The following DYNC1I1 variants were observed in gnomAD, a reference collection of about 807,000 sequenced individuals.
DYNC1I1 encodes cytoplasmic dynein 1 intermediate chain 1.
Under a neutral mutation model 86.6 loss-of-function variants are expected in DYNC1I1, and 43 were observed. That is an observed-to-expected ratio of 0.50 (90% CI 0.39 to 0.64). The LOEUF (loss-of-function observed/expected upper bound fraction) is 0.64. Ranked by LOEUF, DYNC1I1 falls within the 30% of genes least tolerant of loss-of-function variation. The pLI is 0.00. For missense variants in DYNC1I1, 604 were observed against 788.8 expected, an observed-to-expected ratio of 0.77 and a Z score of 2.81; for synonymous variants, 262 against 283.7, an observed-to-expected ratio of 0.92 and a Z score of 0.77.
intron 1 of DYNC1I1, among the ~76,000 whole-genome samples, chr7:95,783,502 A>T (rs1794050377): frequency 6.6e-6 from 1 of 152,222 alleles, no homozygotes; most frequent in African/African-American, 2.4e-5. Context: ...ATGTGGTTAT[A>T]TGTTATCAGA....
chr7:95,884,236 G>T (rs1018368065), intron 6 of DYNC1I1, among the ~76,000 whole-genome samples: 1 of 152,176 alleles, frequency 6.6e-6, no homozygotes, highest in Non-Finnish European at 1.5e-5. Flanking sequence ...AGAAGAAGTG[G>T]TTCAGCAGAA....
intron 6 of DYNC1I1, among the ~76,000 whole-genome samples, chr7:95,951,283 G>T (rs1398232982): frequency 6.6e-6 from 1 of 151,992 alleles, no homozygotes; most frequent in Non-Finnish European, 1.5e-5. Context: ...TATAGCTTTG[G>T]CCTTCCTCAT....
In DYNC1I1 at chr7:95,860,645, C is replaced by T. The variant is rs144031070; in HGVS notation, c.375-9238C>T. Among the ~76,000 whole-genome samples, 384 of 152,254 alleles carry T rather than the reference C, an allele frequency of 2.5e-3. 2 individuals carry two copies. Among genetic ancestry groups the T allele is most frequent in the African/African-American group, 8.8e-3 (366 of 41,538 alleles). On this transcript the variant is annotated intron_variant, in intron 5 of 16. Transcript: ENST00000447467. ...CATTTGTGCTGTTATAACTAAATAT[C>T]ACAGGCTGGGTAATTTATAAATAAT...
intron 6 of DYNC1I1, among the ~76,000 whole-genome samples, chr7:95,973,287 A>G (rs780666478): frequency 7.9e-5 from 12 of 152,230 alleles, no homozygotes; most frequent in Non-Finnish European, 1.8e-4. Flanking sequence ...CAAACATATC[A>G]GTATGCAGAG....
At chr7:95,872,981 A>G (rs1790212663) in intron 6 of DYNC1I1, among the ~76,000 whole-genome samples, 2 of 152,174 alleles carry the variant, frequency 1.3e-5, no homozygotes. Context: ...GTTGAACGAC[A>G]AAGATAATGC....
intron 6 of DYNC1I1, 24 bp downstream of exon 6, chr7:95,870,022 TTCCA>T: frequency 6.3e-7 from 1 of 1,589,614 alleles, no homozygotes; most frequent in East Asian, 2.3e-5. Context: ...TTGGCTTACT[TTCCA>T]TATTATCTCT....
At chr7:96,059,989 G>A (rs1789714994) in intron 14 of DYNC1I1, among the ~76,000 whole-genome samples, 1 of 152,250 alleles carries the variant, frequency 6.6e-6, no homozygotes, top group Middle Eastern at 3.4e-3. Flanking sequence ...AAATATATTT[G>A]AGCTATAGCT....
At position 95,833,645 on chromosome 7, in the gene DYNC1I1, T is replaced by C. The variant is rs982520298; in HGVS notation, c.374+5529T>C. Reference sequence around the variant, plus strand: ...TTTGTTTGTATCCTCTTTTATTTCATTGAGCAGTGGTTTGTAGTTCTCCTT... The same window carrying C: ...TTTGTTTGTATCCTCTTTTATTTCACTGAGCAGTGGTTTGTAGTTCTCCTT... On this transcript the variant is annotated intron_variant, in intron 5 of 16. Coordinates refer to ENST00000447467, the MANE Select transcript of DYNC1I1 (RefSeq NM_001135556.2). Among the ~76,000 whole-genome samples the C allele has an allele frequency of 5.3e-5, 8 of 150,518 alleles. No homozygotes were observed. The South Asian group carries it at 6.5e-4, about 12-fold the overall frequency.
Position 96,097,614 on chromosome 7 carries a change from T to C in DYNC1I1, c.*21T>C. 6.2e-7 allele frequency: 1 copy of C among 1,613,168 alleles called. No individual in the cohort carries two copies. The highest frequency in any genetic ancestry group is 8.5e-7 in the Non-Finnish European group (1 of 1,179,472). Reference sequence around the variant, plus strand: ...CCTAGTGGAAATGAGCCACCCCCACTGCAGCCCCCACCTTTGTGTCCTAGA... The same window carrying C: ...CCTAGTGGAAATGAGCCACCCCCACCGCAGCCCCCACCTTTGTGTCCTAGA... On this transcript the variant is annotated 3_prime_UTR_variant, in exon 17 of 17. Transcript: ENST00000447467.
At chr7:95,933,530 C>A (rs568415048) in intron 6 of DYNC1I1, among the ~76,000 whole-genome samples, 10 of 152,140 alleles carry the variant, frequency 6.6e-5, no homozygotes, top group African/African-American at 2.2e-4. Context: ...TTGATGCTCA[C>A]GTGAATTGAC....
At chr7:95,835,689 G>T (rs1789066788) in intron 5 of DYNC1I1, among the ~76,000 whole-genome samples, 1 of 152,204 alleles carries the variant, frequency 6.6e-6, no homozygotes, top group Non-Finnish European at 1.5e-5. Context: ...AGGATAGTTA[G>T]CTCTTCTTGT....
downstream of DYNC1I1, among the ~76,000 whole-genome samples, chr7:96,099,234 C>T (rs183484273): frequency 6.6e-6 from 1 of 152,300 alleles, no homozygotes; most frequent in Non-Finnish European, 1.5e-5. Flanking sequence ...GAGTCACTTA[C>T]AGTAGGCACA....
At chr7:95,805,658 T>C (rs1305541441) in intron 2 of DYNC1I1, among the ~76,000 whole-genome samples, 1 of 152,194 alleles carries the variant, frequency 6.6e-6, no homozygotes, top group African/African-American at 2.4e-5. Flanking sequence ...ATAATTTATT[T>C]TTAATTCTCT....
intron 5 of DYNC1I1, among the ~76,000 whole-genome samples, chr7:95,848,206 TTG>T (rs1387365968): frequency 2.6e-4 from 23 of 87,168 alleles, no homozygotes; most frequent in Non-Finnish European, 1.0e-4. Context: ...TGACTTACAG[TTG>T]TTTTTTTTTT....
chr7:95,850,495 C>G (rs1472987805), intron 5 of DYNC1I1, among the ~76,000 whole-genome samples: 1 of 151,768 alleles, frequency 6.6e-6, no homozygotes, highest in Non-Finnish European at 1.5e-5. Flanking sequence ...TAGTAGTCCT[C>G]TCTTCTATGT....
intron 6 of DYNC1I1, among the ~76,000 whole-genome samples, chr7:95,897,947 A>G (rs1790930230): frequency 1.3e-5 from 2 of 152,078 alleles, no homozygotes; most frequent in South Asian, 4.1e-4. Context: ...ACTTCCTGTC[A>G]CTATAATTGA....
chr7:96,027,107 T>C (rs1264650722), intron 10 of DYNC1I1, among the ~76,000 whole-genome samples: 1 of 152,212 alleles, frequency 6.6e-6, no homozygotes, highest in Non-Finnish European at 1.5e-5. Flanking sequence ...AGGCACCGTA[T>C]GGACTGGTAG....
chr7:95,866,708 A>G (rs1364638402), intron 5 of DYNC1I1, among the ~76,000 whole-genome samples: 2 of 152,244 alleles, frequency 1.3e-5, no homozygotes, highest in African/African-American at 2.4e-5. Context: ...CCATCCAGAG[A>G]TCATATGGAA....
chr7:95,939,698 C>T (rs1291023791), intron 6 of DYNC1I1, among the ~76,000 whole-genome samples: 52 of 151,662 alleles, frequency 3.4e-4, no homozygotes, highest in African/African-American at 9.2e-4. Flanking sequence ...TGTCTCTGCA[C>T]GTGAGATGGG....
Sources: allele counts gnomAD v4.1 joint callset (sites outside exome capture counted in the v4.1 genomes callset), GRCh38; gene constraint gnomAD v4.1.1; transcripts MANE v1.5; gene names NCBI Gene and HGNC (gene_info 2026-07-23, HGNC 2026-07-21).